XKR6: variants seen among roughly 807,000 people sequenced by gnomAD.
XKR6 encodes the protein XK-related protein 6.
A neutral mutation model predicts 56.7 loss-of-function variants in XKR6; 22 were observed. The observed-to-expected ratio is 0.39, with a 90% CI of 0.28 to 0.55. The LOEUF (loss-of-function observed/expected upper bound fraction) is 0.55, where lower values mean the gene tolerates loss of function less well. Ranked by LOEUF, XKR6 falls within the 20% of genes least tolerant of loss-of-function variation. XKR6 has a pLI of 0.66. For synonymous variants in XKR6, 524 were observed against 387.8 expected (o/e 1.35, Z -4.13); for missense variants, 852 against 889.0 (o/e 0.96, Z 0.53).
At chr8:11,027,794 G>A (rs1563354679) in intron 1 of XKR6, among the ~76,000 whole-genome samples, 1 of 152,148 alleles carries the variant, frequency 6.6e-6, no homozygotes, top group Non-Finnish European at 1.5e-5. Flanking sequence ...GGTCATCATT[G>A]TATCACACGT....
intron 1 of XKR6, among the ~76,000 whole-genome samples, chr8:11,139,441 G>A (rs553383022): frequency 6.6e-6 from 1 of 152,078 alleles, no homozygotes; most frequent in South Asian, 2.1e-4. Context: ...AACAGCCTGA[G>A]GCACTCACTG....
In XKR6 at chr8:11,038,497, TTGTGTGTGTGTGTGTGTGTGTGTGTG is replaced by T. The variant is rs34388531; in HGVS notation, c.765-113693_765-113668del. Among the ~76,000 whole-genome samples, 17 of 130,216 alleles carry T rather than the reference TTGTGTGTGTGTGTGTGTGTGTGTGTG, an allele frequency of 1.3e-4. No individual in the cohort carries two copies. The East Asian group carries it at 1.5e-3, about 11-fold the overall frequency. The allele number at this position is 130,216 out of a possible 152,430, so 85.4% of individuals were successfully genotyped here. ...ACTCAGATAAGTAATTGTAGTCATT[TTGTGTGTGTGTGTGTGTGTGTGTGTG>T]TGTGTGTGTGTGTGTGTGTGTGTGT... On this transcript the variant is annotated intron_variant, in intron 1 of 2. Transcript: ENST00000416569.
At chr8:10,905,320 C>T (rs889765919) in intron 2 of XKR6, among the ~76,000 whole-genome samples, 3 of 152,222 alleles carry the variant, frequency 2.0e-5, no homozygotes, top group Admixed American at 6.5e-5. Context: ...CTCCTCCTGG[C>T]TCTGTGTGAC....
At chr8:11,029,836 A>G (rs1207684217) in intron 1 of XKR6, among the ~76,000 whole-genome samples, 1 of 152,022 alleles carries the variant, frequency 6.6e-6, no homozygotes, top group Non-Finnish European at 1.5e-5. Context: ...TTTCCCCTTC[A>G]AAATCTCTCT....
chr8:10,983,113 A>G (rs1198963839), intron 1 of XKR6, among the ~76,000 whole-genome samples: 1 of 152,266 alleles, frequency 6.6e-6, no homozygotes, highest in Non-Finnish European at 1.5e-5. Context: ...TCTTGAGAAA[A>G]AAATAATGCA....
At chr8:11,043,059 G>T (rs1480143406) in intron 1 of XKR6, among the ~76,000 whole-genome samples, 2 of 152,102 alleles carry the variant, frequency 1.3e-5, no homozygotes, top group East Asian at 1.9e-4. Flanking sequence ...CACCCAGAGG[G>T]GTCCTGGTTG....
intron 1 of XKR6, among the ~76,000 whole-genome samples, chr8:11,173,461 C>T (rs1036766439): frequency 2.0e-5 from 3 of 151,660 alleles, no homozygotes; most frequent in African/African-American, 7.3e-5. Context: ...TCTGCTCCTA[C>T]AAGATGGCAC....
chr8:11,024,292 G>A (rs1206307666), intron 1 of XKR6, among the ~76,000 whole-genome samples: 1 of 147,682 alleles, frequency 6.8e-6, no homozygotes, highest in Non-Finnish European at 1.5e-5. Flanking sequence ...CTCATTTCAT[G>A]ACTTTGGGTT....
At chr8:10,923,948 C>A (rs556053347) in intron 2 of XKR6, among the ~76,000 whole-genome samples, 2 of 152,338 alleles carry the variant, frequency 1.3e-5, no homozygotes, top group African/African-American at 4.8e-5. Context: ...AACTCCGTAC[C>A]TCCCAAGACA....
chr8:11,107,049 G>C (rs1459324602), intron 1 of XKR6, among the ~76,000 whole-genome samples: 2 of 151,942 alleles, frequency 1.3e-5, no homozygotes, highest in East Asian at 1.9e-4. Context: ...ATGACAATGA[G>C]AGGAAAGAAG....
chr8:11,083,983 A>G (rs1797807597), intron 1 of XKR6, among the ~76,000 whole-genome samples: 1 of 152,252 alleles, frequency 6.6e-6, no homozygotes, highest in South Asian at 2.1e-4. Context: ...CATTAAAAGA[A>G]AAACATTAGG....
At chr8:11,016,794 A>T (rs1444871521) in intron 1 of XKR6, among the ~76,000 whole-genome samples, 1 of 142,592 alleles carries the variant, frequency 7.0e-6, no homozygotes, top group Non-Finnish European at 1.5e-5. Context: ...CTCCCCCACC[A>T]CTCTTCTCTC....
intron 1 of XKR6, among the ~76,000 whole-genome samples, chr8:11,067,495 A>G (rs982360839): frequency 6.6e-6 from 1 of 152,166 alleles, no homozygotes; most frequent in Non-Finnish European, 1.5e-5. Flanking sequence ...TAAATTAGTA[A>G]AATATTTTGG....
rs1251336094 is a variant in XKR6 at position 10,896,520 on chromosome 8, G to A, written c.*1432C>T. On this transcript the variant is annotated 3_prime_UTR_variant, in exon 3 of 3. Coordinates refer to ENST00000416569, the MANE Select transcript of XKR6 (RefSeq NM_173683.4). ...TATCTCTGGCAAGACTTTGCAGCAGGGACACACACATATATACGTGTGCTA... is the reference window on the plus strand; with the variant it reads ...TATCTCTGGCAAGACTTTGCAGCAGAGACACACACATATATACGTGTGCTA... 6.6e-6 allele frequency: 1 copy of A among 152,242 alleles called. No individual in the cohort carries two copies. Among genetic ancestry groups the A allele is most frequent in the Non-Finnish European group, 1.5e-5 (1 of 67,954 alleles). The allele number at this position is 152,242 out of a possible 1,614,324, so 9.4% of individuals were successfully genotyped here. A position where few individuals can be genotyped will look rare whatever the true frequency, so the allele number is the denominator to read the frequency against.
intron 1 of XKR6, among the ~76,000 whole-genome samples, chr8:11,189,773 C>A (rs1202052776): frequency 6.6e-6 from 1 of 152,096 alleles, no homozygotes; most frequent in Non-Finnish European, 1.5e-5. Context: ...ATTCTTGGGC[C>A]CATCCCAGAT....
At chr8:10,996,640 G>T (rs1048015456) in intron 1 of XKR6, among the ~76,000 whole-genome samples, 1 of 152,124 alleles carries the variant, frequency 6.6e-6, no homozygotes, top group African/African-American at 2.4e-5. Flanking sequence ...GAGGGGCAGG[G>T]GTAAGGGATG....
chr8:10,939,742 G>T (rs1427331528), intron 1 of XKR6, among the ~76,000 whole-genome samples: 1 of 152,216 alleles, frequency 6.6e-6, no homozygotes, highest in Non-Finnish European at 1.5e-5. Flanking sequence ...AGAGACCAGG[G>T]GCCTCGCCCA....
At chr8:11,030,994 G>C (rs1462683815) in intron 1 of XKR6, among the ~76,000 whole-genome samples, 1 of 152,190 alleles carries the variant, frequency 6.6e-6, no homozygotes, top group Non-Finnish European at 1.5e-5. Context: ...CTAGTAAAAG[G>C]CAGAGTTGGT....
intron 1 of XKR6, among the ~76,000 whole-genome samples, chr8:11,121,245 C>T (rs1799441743): frequency 6.6e-6 from 1 of 152,118 alleles, no homozygotes; most frequent in Admixed American, 6.5e-5. Flanking sequence ...TCAGAGTGAA[C>T]AGGCAACCTA....
Sources: gnomAD v4.1 joint callset for allele counts (sites outside exome capture counted in the v4.1 genomes callset) on GRCh38, gnomAD v4.1.1 for gene constraint, MANE v1.5 for transcripts, NCBI Gene and HGNC (gene_info 2026-07-23, HGNC 2026-07-21) for gene names.